NUDCD3: variants seen among roughly 807,000 people sequenced by gnomAD.
NUDCD3 encodes the protein NudC domain containing 3.
Under a neutral mutation model 39.7 loss-of-function variants are expected in NUDCD3, and 13 were observed. That is an observed-to-expected ratio of 0.33 (90% confidence interval 0.21 to 0.52). The LOEUF is 0.52. NUDCD3 is among the 20% of genes least tolerant of loss of function. The pLI, the probability that NUDCD3 is intolerant of heterozygous loss-of-function variation, is 0.96. For synonymous variants in NUDCD3, 175 were observed against 172.4 expected, an observed-to-expected ratio of 1.02 and a Z score of -0.12; for missense variants, 453 against 458.1, an observed-to-expected ratio of 0.99 and a Z score of 0.10.
At chr7:44,457,922 C>G (rs757505633) in intron 2 of NUDCD3, among the ~76,000 whole-genome samples, 1 of 152,184 alleles carries the variant, frequency 6.6e-6, no homozygotes, top group Non-Finnish European at 1.5e-5. Flanking sequence ...AACAGCCTGG[C>G]ACTTCCTCAA....
chr7:44,469,115 CAAAAAAAAAAAAAAAA>C (rs756247647), intron 2 of NUDCD3, among the ~76,000 whole-genome samples: 6 of 32,842 alleles, frequency 1.8e-4, no homozygotes, highest in African/African-American at 1.4e-4. Flanking sequence ...ACAAACAAAC[CAAAAAAAAAAAAAAAA>C]AAAAAAAAAA....
Position 44,443,234 on chromosome 7 carries a change from T to TA in NUDCD3, c.510-15532dup, listed in dbSNP as rs1205345878. Among the ~76,000 whole-genome samples the TA allele has an allele frequency of 9.6e-3, 1,384 of 143,454 alleles. 27 individuals are homozygous for TA. The highest frequency in any genetic ancestry group is 0.032 in the African/African-American group (1,271 of 39,164). The allele number at this position is 143,454 out of a possible 152,430, so 94.1% of individuals were successfully genotyped here. Reference sequence around the variant, plus strand: ...GGATGAGCTTTGAACACATTCAATATAAAAAAAAAAAGAACAGGTAACAGG... The same window carrying TA: ...GGATGAGCTTTGAACACATTCAATATAAAAAAAAAAAAGAACAGGTAACAGG... On this transcript the variant is annotated intron_variant, in intron 2 of 5. Coordinates refer to ENST00000355451, the MANE Select transcript of NUDCD3 (RefSeq NM_015332.4).
intron 2 of NUDCD3, among the ~76,000 whole-genome samples, chr7:44,431,668 CTTTTTTTTTTT>C (rs755819096): frequency 1.7e-4 from 21 of 120,838 alleles, no homozygotes; most frequent in African/African-American, 5.8e-4. Flanking sequence ...TCTCTCCTTC[CTTTTTTTTTTT>C]TTTTTTTTTT....
chr7:44,392,617 A>G, intron 4 of NUDCD3, 132 bp from the exon 5 acceptor site: 2 of 740,316 alleles, frequency 2.7e-6, no homozygotes, highest in Non-Finnish European at 4.4e-6. Context: ...GGGAGGTGAC[A>G]GACAAGAGGG....
chr7:44,383,570 T>C lies in NUDCD3; in HGVS notation c.*2441A>G, dbSNP rs1460369022. 1 of 152,130 alleles carries C rather than the reference T, an allele frequency of 6.6e-6. No homozygotes were observed. The highest frequency in any genetic ancestry group is 1.9e-4 in the East Asian group (1 of 5,186). 9.4% of individuals were successfully genotyped at this position (152,130 alleles called of 1,614,324 possible). A position where few individuals can be genotyped will look rare whatever the true frequency, so the allele number is the denominator to read the frequency against. Reference sequence around the variant, plus strand: ...CAGACAGAACTGTCTCAGCAGCAAATGTCACACGCAGACCCAGAACTGCTT... The same window carrying C: ...CAGACAGAACTGTCTCAGCAGCAAACGTCACACGCAGACCCAGAACTGCTT... On this transcript the variant is annotated 3_prime_UTR_variant, in exon 6 of 6. Transcript: ENST00000355451.
intron 4 of NUDCD3, among the ~76,000 whole-genome samples, chr7:44,400,429 G>A (rs988377701): frequency 5.3e-5 from 8 of 152,198 alleles, no homozygotes; most frequent in Non-Finnish European, 8.8e-5. Flanking sequence ...GAGGTCAGAA[G>A]GTCAGAATAT....
chr7:44,427,517 C>T, intron 3 of NUDCD3, 54 bp downstream of exon 3: 1 of 1,574,974 alleles, frequency 6.3e-7, no homozygotes, highest in Non-Finnish European at 8.6e-7. Flanking sequence ...TTCCCTGCAA[C>T]AGCTTTGACT....
intron 2 of NUDCD3, among the ~76,000 whole-genome samples, chr7:44,440,854 GCT>G (rs1029649364): frequency 1.2e-4 from 18 of 152,196 alleles, no homozygotes; most frequent in African/African-American, 3.9e-4. Flanking sequence ...TTGCATGTGA[GCT>G]CTCTCTCTCA....
intron 3 of NUDCD3, among the ~76,000 whole-genome samples, chr7:44,424,284 T>C (rs961160145): frequency 6.6e-6 from 1 of 152,070 alleles, no homozygotes; most frequent in Non-Finnish European, 1.5e-5. Context: ...AAAGCCAAAA[T>C]TGACAAATGG....
chr7:44,429,530 T>A (rs922133751), intron 2 of NUDCD3, among the ~76,000 whole-genome samples: 3 of 152,178 alleles, frequency 2.0e-5, no homozygotes, highest in African/African-American at 7.2e-5. Context: ...GATCTCAGAC[T>A]TCCCCTCTAG....
intron 5 of NUDCD3, among the ~76,000 whole-genome samples, chr7:44,388,131 A>G (rs1175196575): frequency 3.3e-5 from 5 of 152,278 alleles, no homozygotes; most frequent in African/African-American, 4.8e-5. Flanking sequence ...CTGCTTCAAA[A>G]TACACAGCAT....
intron 4 of NUDCD3, among the ~76,000 whole-genome samples, chr7:44,395,369 G>A (rs1327418808): frequency 6.6e-6 from 1 of 152,132 alleles, no homozygotes; most frequent in African/African-American, 2.4e-5. Flanking sequence ...GATGTGAGCC[G>A]ACTTTATATT....
chr7:44,385,431 C>T lies in NUDCD3; in HGVS notation c.*580G>A, dbSNP rs547721026. ...AGTCTCCACTGCTCTGACCATGAGGCTGAGGCAGGCAAAGCACATTTATAA... is the reference window on the plus strand; with the variant it reads ...AGTCTCCACTGCTCTGACCATGAGGTTGAGGCAGGCAAAGCACATTTATAA... On this transcript the variant is annotated 3_prime_UTR_variant, in exon 6 of 6. Coordinates refer to ENST00000355451, the MANE Select transcript of NUDCD3 (RefSeq NM_015332.4). 6.9e-4 allele frequency: 105 copies of T among 153,192 alleles called. No individual in the cohort carries two copies. Among genetic ancestry groups the T allele is most frequent in the Non-Finnish European group, 1.2e-3 (84 of 68,786 alleles). The allele number at this position is 153,192 out of a possible 1,614,324, so 9.5% of individuals were successfully genotyped here.
intron 2 of NUDCD3, among the ~76,000 whole-genome samples, chr7:44,454,206 G>A (rs1003081546): frequency 1.4e-4 from 21 of 152,144 alleles, no homozygotes; most frequent in African/African-American, 5.1e-4. Context: ...GGGCATGGTG[G>A]CGGGCACCTG....
At chr7:44,448,212 C>T (rs1233359802) in intron 2 of NUDCD3, among the ~76,000 whole-genome samples, 1 of 152,184 alleles carries the variant, frequency 6.6e-6, no homozygotes, top group African/African-American at 2.4e-5. Context: ...GCCTGCCTGT[C>T]CCAATTTCAA....
At chr7:44,394,607 G>A (rs757115404) in intron 4 of NUDCD3, among the ~76,000 whole-genome samples, 2 of 152,116 alleles carry the variant, frequency 1.3e-5, no homozygotes, top group African/African-American at 2.4e-5. Context: ...TTTTATTAGC[G>A]TTCACAAGTC....
chr7:44,457,461 A>G (rs575247193), intron 2 of NUDCD3, among the ~76,000 whole-genome samples: 1 of 152,364 alleles, frequency 6.6e-6, no homozygotes, highest in East Asian at 1.9e-4. Flanking sequence ...AATTTAGCAA[A>G]GCTGCAGGTT....
At position 44,385,796 on chromosome 7, in the gene NUDCD3, G is replaced by C; in HGVS notation, c.*215C>G. The C allele has an allele frequency of 1.8e-6, 1 of 558,238 alleles. No homozygotes were observed. The highest frequency in any genetic ancestry group is 3.2e-6 in the Non-Finnish European group (1 of 313,896). The allele number at this position is 558,238 out of a possible 1,614,324, so 34.6% of individuals were successfully genotyped here. A position where few individuals can be genotyped will look rare whatever the true frequency, so the allele number is the denominator to read the frequency against. On this transcript the variant is annotated 3_prime_UTR_variant, in exon 6 of 6. Transcript: ENST00000355451. ...TTTCAAACACCTTCACTCAGTGTCAGCCACAGCGGCCACCACATAGCAGCT... is the reference window on the plus strand; with the variant it reads ...TTTCAAACACCTTCACTCAGTGTCACCCACAGCGGCCACCACATAGCAGCT...
intron 2 of NUDCD3, among the ~76,000 whole-genome samples, chr7:44,434,202 T>G (rs1284796883): frequency 6.6e-6 from 1 of 152,132 alleles, no homozygotes; most frequent in Non-Finnish European, 1.5e-5. Flanking sequence ...CTGATTTCAG[T>G]GCTCAAAAAT....
Sources: allele counts gnomAD v4.1 joint callset (sites outside exome capture counted in the v4.1 genomes callset), GRCh38; gene constraint gnomAD v4.1.1; transcripts MANE v1.5; gene names NCBI Gene and HGNC (gene_info 2026-07-23, HGNC 2026-07-21).